The following EVA1C variants were observed in gnomAD, a reference collection of about 807,000 sequenced individuals.
EVA1C encodes eva-1 homolog C.
In EVA1C, 25 loss-of-function variants were observed where a neutral mutation model predicts 45.4. That is an observed-to-expected ratio of 0.55 (90% CI 0.40 to 0.77). The LOEUF (loss-of-function observed/expected upper bound fraction) is 0.77, where lower values mean the gene tolerates loss of function less well. Among genes scored for constraint, EVA1C ranks in the 30% least tolerant of loss-of-function variants. The probability of loss-of-function intolerance (pLI) is 0.00; values close to 1 mark genes in which losing one functional copy is unlikely to be tolerated. For synonymous variants in EVA1C, 190 were observed against 221.2 expected (o/e 0.86, Z 1.25); for missense variants, 479 against 554.8 (o/e 0.86, Z 1.37).
intron 1 of EVA1C, among the ~76,000 whole-genome samples, chr21:32,429,068 C>T (rs370453308): frequency 6.6e-6 from 1 of 152,030 alleles, no homozygotes; most frequent in African/African-American, 2.4e-5. Context: ...TCGCCCAGAG[C>T]GAGATTGTCG....
At chr21:32,433,703 T>G (rs2034806226) in intron 1 of EVA1C, among the ~76,000 whole-genome samples, 1 of 152,180 alleles carries the variant, frequency 6.6e-6, no homozygotes, top group South Asian at 2.1e-4. Context: ...AGGGCACTGT[T>G]GTGGGTTGAA....
intron 1 of EVA1C, 27 bp from the exon 2 acceptor site, chr21:32,453,285 C>T (rs1466027959): frequency 6.4e-7 from 1 of 1,565,324 alleles, no homozygotes; most frequent in South Asian, 1.1e-5. Context: ...TCCTGGGCCT[C>T]TAGTAACTCG....
intron 2 of EVA1C, among the ~76,000 whole-genome samples, chr21:32,454,556 C>A (rs1362016069): frequency 1.3e-5 from 2 of 151,830 alleles, no homozygotes; most frequent in African/African-American, 4.8e-5. Flanking sequence ...TGGCCCCTAA[C>A]ATATATAACT....
chr21:32,493,054 G>A (rs1333994692), intron 4 of EVA1C, among the ~76,000 whole-genome samples: 2 of 152,170 alleles, frequency 1.3e-5, no homozygotes, highest in Non-Finnish European at 2.9e-5. Context: ...CTCCTACAGT[G>A]GGCCAGGTGT....
At chr21:32,484,427 C>G (rs1387284146) in intron 4 of EVA1C, among the ~76,000 whole-genome samples, 4 of 152,022 alleles carry the variant, frequency 2.6e-5, no homozygotes, top group Non-Finnish European at 4.4e-5. Context: ...GCCTGTAATC[C>G]CAGCTACTTG....
chr21:32,461,055 G>T (rs1454520798), intron 3 of EVA1C, among the ~76,000 whole-genome samples: 1 of 152,174 alleles, frequency 6.6e-6, no homozygotes. Flanking sequence ...CTCATAGGAG[G>T]AATTGACCTT....
At chr21:32,434,484 G>A (rs950978519) in intron 1 of EVA1C, among the ~76,000 whole-genome samples, 16 of 151,444 alleles carry the variant, frequency 1.1e-4, no homozygotes, top group African/African-American at 3.6e-4. Context: ...CCAGCTACTC[G>A]GGAGGCTGAG....
intron 7 of EVA1C, among the ~76,000 whole-genome samples, chr21:32,504,651 T>C (rs569238969): frequency 1.8e-3 from 268 of 152,356 alleles, no homozygotes; most frequent in Non-Finnish European, 3.0e-3. Context: ...GAATGCCATC[T>C]GCAAGTTTCA....
chr21:32,477,707 CCG>C, intron 4 of EVA1C, among the ~76,000 whole-genome samples: 1 of 75,320 alleles, frequency 1.3e-5, no homozygotes, highest in Non-Finnish European at 2.8e-5. Context: ...CTCACCTCCC[CCG>C]TACGCCCTCA....
intron 1 of EVA1C, among the ~76,000 whole-genome samples, chr21:32,421,975 G>A (rs542772176): frequency 6.6e-6 from 1 of 151,342 alleles, no homozygotes; most frequent in Admixed American, 6.6e-5. Flanking sequence ...AACCTGGGAG[G>A]TGGAGGTTGC....
At chr21:32,504,638 T>G (rs2037664037) in intron 7 of EVA1C, among the ~76,000 whole-genome samples, 1 of 152,174 alleles carries the variant, frequency 6.6e-6, no homozygotes, top group Non-Finnish European at 1.5e-5. Flanking sequence ...AGAACACATT[T>G]TGGAATGCCA....
chr21:32,426,742 G>A (rs1215612085), intron 1 of EVA1C, among the ~76,000 whole-genome samples: 1 of 152,168 alleles, frequency 6.6e-6, no homozygotes, highest in Non-Finnish European at 1.5e-5. Context: ...CCTCAAGACT[G>A]CAGAGCAGCT....
intron 1 of EVA1C, among the ~76,000 whole-genome samples, chr21:32,442,003 C>G (rs1245520445): frequency 1.3e-5 from 2 of 152,164 alleles, no homozygotes; most frequent in African/African-American, 4.8e-5. Flanking sequence ...GCCAGACCTT[C>G]AAGTGGCAAA....
At chr21:32,467,911 T>TAA in intron 4 of EVA1C, 63 bp downstream of exon 4, 1 of 1,033,414 alleles carries the variant, frequency 9.7e-7, no homozygotes, top group Non-Finnish European at 1.3e-6. Flanking sequence ...ATAGAATATA[T>TAA]ATATATATAT....
intron 5 of EVA1C, among the ~76,000 whole-genome samples, chr21:32,500,725 T>TTG (rs376522024): frequency 3.3e-5 from 5 of 151,888 alleles, no homozygotes; most frequent in African/African-American, 9.6e-5. Flanking sequence ...ATGGATGGTT[T>TTG]TGTGTGTGTG....
chr21:32,512,999 C>T (rs890962959), intron 7 of EVA1C, among the ~76,000 whole-genome samples: 2 of 151,030 alleles, frequency 1.3e-5, no homozygotes, highest in Non-Finnish European at 2.9e-5. Context: ...ATAATACTTA[C>T]AATAATATAG....
chr21:32,431,481 CATG>C (rs532847697), intron 1 of EVA1C, among the ~76,000 whole-genome samples: 201 of 152,338 alleles, frequency 1.3e-3, no homozygotes, highest in Middle Eastern at 6.8e-3. Context: ...GTGTTTCACA[CATG>C]CCAATGTCTG....
intron 1 of EVA1C, among the ~76,000 whole-genome samples, chr21:32,419,736 A>C (rs2034190132): frequency 6.6e-6 from 1 of 151,980 alleles, no homozygotes; most frequent in African/African-American, 2.4e-5. Flanking sequence ...ACAAAAAACA[A>C]AAACAAACAA....
At chr21:32,420,324 C>G (rs910032405) in intron 1 of EVA1C, among the ~76,000 whole-genome samples, 4 of 152,304 alleles carry the variant, frequency 2.6e-5, no homozygotes, top group Non-Finnish European at 5.9e-5. Flanking sequence ...GAGCCAAGAT[C>G]ATGCCACCAC....
Sources: allele counts gnomAD v4.1 joint callset (sites outside exome capture counted in the v4.1 genomes callset), GRCh38; gene constraint gnomAD v4.1.1; transcripts MANE v1.5; gene names NCBI Gene and HGNC (gene_info 2026-07-23, HGNC 2026-07-21).